The following BAHD1 variants were observed in gnomAD, a reference collection of about 807,000 sequenced individuals.
BAHD1 encodes the protein bromo adjacent homology domain-containing 1 protein.
BAHD1 carries 20 observed loss-of-function variants against 63.1 expected under a neutral mutation model. The ratio of observed to expected loss-of-function variants is 0.32; its 90% CI spans 0.22 to 0.46. The LOEUF (loss-of-function observed/expected upper bound fraction) is 0.46. BAHD1 is among the 20% of genes least tolerant of loss of function. The probability of loss-of-function intolerance (pLI) is 1.00; values close to 1 mark genes in which losing one functional copy is unlikely to be tolerated. For missense variants in BAHD1, 939 were observed against 1,071.8 expected, an observed-to-expected ratio of 0.88 and a Z score of 1.73; for synonymous variants, 408 against 426.8, an observed-to-expected ratio of 0.96 and a Z score of 0.54.
upstream of BAHD1, among the ~76,000 whole-genome samples, chr15:40,437,570 G>A (rs1195804900): frequency 6.6e-6 from 1 of 152,208 alleles, no homozygotes; most frequent in Non-Finnish European, 1.5e-5. Context: ...TGGGGCTGAG[G>A]AGCCGGGTGG....
Position 40,466,375 on chromosome 15 carries a change from C to G in BAHD1, c.*245C>G, listed in dbSNP as rs1894208484. The G allele has an allele frequency of 4.6e-6, 1 of 216,748 alleles. No homozygotes were observed. The highest frequency in any genetic ancestry group is 8.8e-6 in the Non-Finnish European group (1 of 114,196). The allele number at this position is 216,748 out of a possible 1,614,324, so 13.4% of individuals were successfully genotyped here. A position where few individuals can be genotyped will look rare whatever the true frequency, so the allele number is the denominator to read the frequency against. ...GCCCAAGGTACCTTCTGTGGTTCCC[C>G]TGGGTGGAGATTTCCGAAAAGTAGT... On this transcript the variant is annotated 3_prime_UTR_variant, in exon 7 of 7. Transcript: ENST00000416165.
intron 3 of BAHD1, among the ~76,000 whole-genome samples, chr15:40,463,257 G>A (rs1029121669): frequency 6.6e-6 from 1 of 151,748 alleles, no homozygotes; most frequent in Non-Finnish European, 1.5e-5. Flanking sequence ...GTGAACTATG[G>A]TTGCACCACT....
intron 5 of BAHD1, chr15:40,465,003 T>C (rs185643150): frequency 1.5e-4 from 63 of 407,008 alleles, no homozygotes; most frequent in African/African-American, 9.4e-4. Flanking sequence ...TCACCTTTTA[T>C]TTCACTTTCC....
chr15:40,460,607 G>A (rs1309936035), intron 2 of BAHD1, among the ~76,000 whole-genome samples: 2 of 152,128 alleles, frequency 1.3e-5, no homozygotes, highest in Admixed American at 6.5e-5. Flanking sequence ...CCCATGCTCC[G>A]GCTGTTGAGA....
Position 40,444,962 on chromosome 15 carries a change from T to TAA in BAHD1, c.-15+3703_-15+3704dup, listed in dbSNP as rs560309067. On this transcript the variant is annotated intron_variant, in intron 1 of 6. Transcript: ENST00000416165. ...CAATGCAGACCGCTCCCCCGTCAAT[T>TAA]AAAAAAAAAATCCCTACTACTTCTC... Among the ~76,000 whole-genome samples, 1,014 of 149,000 alleles carry TAA rather than the reference T, an allele frequency of 6.8e-3. 11 individuals carry two copies. Among genetic ancestry groups the TAA allele is most frequent in the African/African-American group, 0.024 (970 of 40,676 alleles).
chr15:40,439,543 C>T (rs1353827794), upstream of BAHD1, among the ~76,000 whole-genome samples: 1 of 152,224 alleles, frequency 6.6e-6, no homozygotes, highest in Non-Finnish European at 1.5e-5. Flanking sequence ...TGGGCAGCCT[C>T]AGCACTCTGG....
At position 40,462,242 on chromosome 15, in the gene BAHD1, C is replaced by T; in HGVS notation, c.1763C>T (p.Thr588Ile). ...CCTCGCCGCCGCCGTCGCCGCCGCACTAATGGCTGGGTACCTGTTGGGGCT... is the reference window on the plus strand; with the variant it reads ...CCTCGCCGCCGCCGTCGCCGCCGCATTAATGGCTGGGTACCTGTTGGGGCT... ...PRPRRRRRRR[T>I]NGWVPVGAAC... The change falls in exon 3 of 7, where the codon ACT (threonine) becomes ATT (isoleucine). Residue 588 changes from threonine (T) to isoleucine (I), a missense_variant. By Grantham distance (89) the Thr-to-Ile change is moderately conservative. Coordinates refer to ENST00000416165, the MANE Select transcript of BAHD1 (RefSeq NM_014952.5). The T allele has an allele frequency of 6.2e-7, 1 of 1,611,500 alleles. No individual in the cohort carries two copies. The highest frequency in any genetic ancestry group is 8.5e-7 in the Non-Finnish European group (1 of 1,178,970).
Position 40,459,803 on chromosome 15 carries a change from A to C in BAHD1, c.1339A>C (p.Asn447His). The change falls in exon 2 of 7, where the codon AAT becomes CAT. Residue 447 changes from asparagine to histidine, a missense_variant. By Grantham distance (68) the Asn-to-His change is moderately conservative. Around this residue, in one of 5 missense-constraint regions of BAHD1, gnomAD observed 797 missense variants for 813.3 expected, o/e 0.98. Coordinates refer to ENST00000416165, the MANE Select transcript of BAHD1 (RefSeq NM_014952.5). Reference protein sequence around the residue: ...RYCSSEDTGVNGYSICGVLPL... With the variant: ...RYCSSEDTGVHGYSICGVLPL... ...CTGCTCTAGCGAGGACACTGGAGTG[A>C]ATGGCTACAGCATCTGCGGAGTGTT... 2 of 1,613,618 alleles carry C rather than the reference A, an allele frequency of 1.2e-6. No individual in the cohort carries two copies. The highest frequency in any genetic ancestry group is 1.7e-6 in the Non-Finnish European group (2 of 1,179,974).
chr15:40,465,221 C>A, intron 5 of BAHD1, 114 bp from the exon 6 acceptor site: 1 of 868,026 alleles, frequency 1.2e-6, no homozygotes, highest in Non-Finnish European at 1.9e-6. Context: ...TCCAGGGAAG[C>A]TTGCTGGAGT....
At chr15:40,463,310 A>G (rs1204739876) in intron 3 of BAHD1, among the ~76,000 whole-genome samples, 5 of 152,238 alleles carry the variant, frequency 3.3e-5, no homozygotes, top group African/African-American at 1.2e-4. Context: ...GTCTCTAAAA[A>G]TAAATAAATA....
chr15:40,458,599 A>G lies in BAHD1; in HGVS notation c.135A>G (p.Pro45=), dbSNP rs377095320. 3 of 1,614,040 alleles carry G rather than the reference A, an allele frequency of 1.9e-6. No homozygotes were observed. Among genetic ancestry groups the G allele is most frequent in the Middle Eastern group, 1.6e-4 (1 of 6,062 alleles). The change falls in exon 2 of 7, where the codon CCA becomes CCG. Residue 45 remains proline (P), a synonymous_variant. Transcript: ENST00000416165. The surrounding 1 kb of genome is among the most constrained non-coding windows in gnomAD (Gnocchi z 4.7). ...TGGAGCCAGGCATGCCCGAGAGCCCAGGTCACCTCACAGGGCGCCGCAAGA... is the reference window on the plus strand; with the variant it reads ...TGGAGCCAGGCATGCCCGAGAGCCCGGGTCACCTCACAGGGCGCCGCAAGA... ...EGVEPGMPES[P]GHLTGRRKNY... is the part of the protein sequence containing the mutation.
At chr15:40,449,832 A>T (rs1044082832) in intron 1 of BAHD1, among the ~76,000 whole-genome samples, 8 of 151,168 alleles carry the variant, frequency 5.3e-5, no homozygotes, top group South Asian at 2.1e-4. Context: ...AAAAAAAAAA[A>T]GAAAATGAAA....
intron 1 of BAHD1, among the ~76,000 whole-genome samples, chr15:40,441,760 G>T (rs1893409468): frequency 6.7e-6 from 1 of 150,146 alleles, no homozygotes; most frequent in Non-Finnish European, 1.5e-5. Flanking sequence ...GAGGCAAGGG[G>T]CCGCGGCCGG....
chr15:40,464,685 T>C (rs929548115), intron 5 of BAHD1, 138 bp downstream of exon 5: 3 of 676,304 alleles, frequency 4.4e-6, no homozygotes, highest in Non-Finnish European at 7.7e-6. Context: ...CCAGAGAACC[T>C]GGGAAAGGGC....
Position 40,457,780 on chromosome 15 carries a change from C to T in BAHD1, c.-14-671C>T, listed in dbSNP as rs539737890. Among the ~76,000 whole-genome samples, 49 of 152,280 alleles carry T rather than the reference C, an allele frequency of 3.2e-4. 2 individuals carry two copies. The South Asian group carries it at 8.7e-3, about 27-fold the overall frequency. On this transcript the variant is annotated intron_variant, in intron 1 of 6. Coordinates refer to ENST00000416165, the MANE Select transcript of BAHD1 (RefSeq NM_014952.5). ...ATCCCAGCACTGTGGGAGGCCGAGG[C>T]GGGCAGATCACGAGGTCAGGAGATC...
At chr15:40,463,613 C>CAA (rs61704439) in intron 3 of BAHD1, among the ~76,000 whole-genome samples, 21,958 of 152,096 alleles carry the variant, frequency 0.14, 2,566 homozygotes, top group East Asian at 0.65. Flanking sequence ...AGTCAGCTGT[C>CAA]GGGTATGGTG....
rs3743145 is a variant in BAHD1, at chr15:40,466,138, A to G, written c.*8A>G. Reference sequence around the variant, plus strand: ...CTTAAGAACCCCCAGTAGCCTCCTCATGCCCATGCTGGGGCTACCCATGGG... The same window carrying G: ...CTTAAGAACCCCCAGTAGCCTCCTCGTGCCCATGCTGGGGCTACCCATGGG... On this transcript the variant is annotated 3_prime_UTR_variant, in exon 7 of 7. Transcript: ENST00000416165. 4 of 1,609,744 alleles carry G rather than the reference A, an allele frequency of 2.5e-6. No homozygotes were observed. The highest frequency in any genetic ancestry group is 1.1e-5 in the South Asian group (1 of 90,520).
chr15:40,456,225 G>A (rs948845900), intron 1 of BAHD1, among the ~76,000 whole-genome samples: 6 of 152,002 alleles, frequency 3.9e-5, no homozygotes, highest in Admixed American at 2.6e-4. Context: ...TGATCCATCC[G>A]CCTGGGCCTC....
At position 40,459,051 on chromosome 15, in the gene BAHD1, A is replaced by T; in HGVS notation, c.587A>T (p.Asp196Val). The change falls in exon 2 of 7, where the codon GAT (aspartate) becomes GTT (valine). Residue 196 changes from aspartate to valine, a missense_variant. By Grantham distance (152) the Asp-to-Val change is radical. Coordinates refer to ENST00000416165, the MANE Select transcript of BAHD1 (RefSeq NM_014952.5). ...EPAPDEGPRR[D>V]GDPAPKRLAS... is the part of the protein sequence containing the mutation. ...GCACCCGATGAAGGTCCCCGCCGAG[A>T]TGGAGACCCAGCTCCCAAGAGACTG... 6.2e-7 allele frequency: 1 copy of T among 1,608,876 alleles called. No homozygotes were observed. Among genetic ancestry groups the T allele is most frequent in the Non-Finnish European group, 8.5e-7 (1 of 1,177,016 alleles).
Sources: allele counts gnomAD v4.1 joint callset (sites outside exome capture counted in the v4.1 genomes callset), GRCh38; gene constraint gnomAD v4.1.1; regional missense constraint gnomAD v4.1.1; non-coding constraint Gnocchi (gnomAD v3.1); transcripts MANE v1.5; gene names NCBI Gene and HGNC (gene_info 2026-07-23, HGNC 2026-07-21).